Variants in PDHX observed in about 807,000 individuals in gnomAD.
The protein encoded by PDHX is pyruvate dehydrogenase protein X component, mitochondrial.
PDHX carries 33 observed loss-of-function variants against 55.3 expected under a neutral mutation model. That is an observed-to-expected ratio of 0.60 (90% CI 0.45 to 0.80). PDHX has a LOEUF of 0.80. Ranked by LOEUF, PDHX falls within the 30% of genes least tolerant of loss-of-function variation. The pLI is 0.00. For synonymous variants in PDHX, 226 were observed against 219.4 expected, an observed-to-expected ratio of 1.03 and a Z score of -0.27; for missense variants, 622 against 619.9, an observed-to-expected ratio of 1.00 and a Z score of -0.04.
chr11:34,979,235 A>G (rs566816911), intron 8 of PDHX, among the ~76,000 whole-genome samples: 25 of 152,112 alleles, frequency 1.6e-4, no homozygotes, highest in African/African-American at 5.8e-4. Flanking sequence ...GGGTTAAGGA[A>G]TCTAGAGTTT....
At chr11:34,951,403 T>C (rs1350096776) in intron 3 of PDHX, among the ~76,000 whole-genome samples, 6 of 152,156 alleles carry the variant, frequency 3.9e-5, no homozygotes, top group Non-Finnish European at 8.8e-5. Context: ...TGGTGTGAGA[T>C]GGTATCTCAT....
chr11:34,982,567 G>A (rs912798788), intron 8 of PDHX, among the ~76,000 whole-genome samples: 12 of 151,822 alleles, frequency 7.9e-5, no homozygotes, highest in Admixed American at 2.0e-4. Context: ...TCAAATAGAC[G>A]CAATAAAAAA....
chr11:34,975,325 T>C (rs1855344398), intron 7 of PDHX, among the ~76,000 whole-genome samples: 1 of 152,158 alleles, frequency 6.6e-6, no homozygotes, highest in Non-Finnish European at 1.5e-5. Context: ...TTATTTTTAA[T>C]GATATCTTCT....
At chr11:34,990,920 A>G (rs1014227083) in intron 9 of PDHX, among the ~76,000 whole-genome samples, 1 of 152,214 alleles carries the variant, frequency 6.6e-6, no homozygotes, top group African/African-American at 2.4e-5. Flanking sequence ...CCTATGTAAT[A>G]CAAAATATTA....
At chr11:34,924,079 A>G (rs150960335) in intron 1 of PDHX, among the ~76,000 whole-genome samples, 1 of 152,304 alleles carries the variant, frequency 6.6e-6, no homozygotes, top group East Asian at 1.9e-4. Flanking sequence ...ATTCTACAAT[A>G]TTGTGACATC....
At chr11:34,916,089 G>C, upstream of PDHX, 1 of 1,130,260 alleles carries the variant, frequency 8.8e-7, no homozygotes. Flanking sequence ...GCGGTGCGCC[G>C]GGGTAGCGAA....
intron 1 of PDHX, 108 bp downstream of exon 1, chr11:34,916,923 C>G (rs945410353): frequency 2.8e-6 from 3 of 1,073,324 alleles, no homozygotes; most frequent in Non-Finnish European, 4.1e-6. Flanking sequence ...TGCGCGGGCT[C>G]CTTATTCCCT....
chr11:34,916,194 T>G, upstream of PDHX: 1 of 1,600,694 alleles, frequency 6.2e-7, no homozygotes, highest in Non-Finnish European at 8.5e-7. Flanking sequence ...CCTCTCCTCC[T>G]GGGAATACCG....
intron 2 of PDHX, among the ~76,000 whole-genome samples, chr11:34,945,529 G>GT (rs1238540856): frequency 2.6e-5 from 4 of 152,090 alleles, no homozygotes; most frequent in Non-Finnish European, 4.4e-5. Flanking sequence ...TTTTTCCTCA[G>GT]TTTTTTGAAG....
intron 2 of PDHX, among the ~76,000 whole-genome samples, chr11:34,931,844 G>A (rs975057674): frequency 6.7e-6 from 1 of 149,648 alleles, no homozygotes; most frequent in African/African-American, 2.5e-5. Context: ...GTGTGTGTGT[G>A]TGTGTGTTCT....
chr11:34,956,187 A>T (rs1854902726), intron 3 of PDHX, among the ~76,000 whole-genome samples: 1 of 140,102 alleles, frequency 7.1e-6, no homozygotes, highest in South Asian at 2.3e-4. Flanking sequence ...ATTCCTATTC[A>T]GCTTTCTATA....
intron 4 of PDHX, 30 bp downstream of exon 4, chr11:34,957,613 TA>T (rs748682621): frequency 0.021 from 23,965 of 1,142,016 alleles, no homozygotes; most frequent in Non-Finnish European, 0.022. Flanking sequence ...AAGGATGATG[TA>T]AAAAAAAAAA....
At position 34,921,359 on chromosome 11, in the gene PDHX, G is replaced by A. The variant is rs1180206388; in HGVS notation, c.160+4544G>A. ...CTTGCCTTGCCTCAGTGGTGATTCA[G>A]GCCTTTATGCACGATGCGCTGTCAG... On this transcript the variant is annotated intron_variant, in intron 1 of 10. Transcript: ENST00000227868. Among the ~76,000 whole-genome samples, 4 of 152,052 alleles carry A rather than the reference G, an allele frequency of 2.6e-5. No individual in the cohort carries two copies. In the East Asian group the frequency reaches 7.7e-4, roughly 29 times the overall value.
At chr11:34,980,804 T>G (rs926720927) in intron 8 of PDHX, among the ~76,000 whole-genome samples, 2 of 151,792 alleles carry the variant, frequency 1.3e-5, no homozygotes, top group Non-Finnish European at 2.9e-5. Context: ...ATAGATAGAG[T>G]GGAATCAAAT....
At chr11:34,981,954 C>T (rs1855523530) in intron 8 of PDHX, among the ~76,000 whole-genome samples, 2 of 152,136 alleles carry the variant, frequency 1.3e-5, no homozygotes, top group African/African-American at 4.8e-5. Context: ...TGTAGGTTGC[C>T]TGTTCACTCT....
At chr11:34,970,450 A>G (rs906398284) in intron 7 of PDHX, among the ~76,000 whole-genome samples, 164 bp downstream of exon 7, 2 of 152,198 alleles carry the variant, frequency 1.3e-5, no homozygotes, top group Admixed American at 6.5e-5. Context: ...GAGGAAAAAA[A>G]TTAGCAATGG....
At chr11:34,980,383 T>C (rs1336436886) in intron 8 of PDHX, among the ~76,000 whole-genome samples, 1 of 100,832 alleles carries the variant, frequency 9.9e-6, no homozygotes, top group Non-Finnish European at 2.1e-5. Flanking sequence ...CAGCAAGATT[T>C]ATTGTGAAGA....
chr11:34,947,771 C>G (rs1854659561), intron 3 of PDHX, among the ~76,000 whole-genome samples, 165 bp downstream of exon 3: 1 of 152,086 alleles, frequency 6.6e-6, no homozygotes, highest in South Asian at 2.1e-4. Flanking sequence ...GAGTTAAGGT[C>G]TAATAGCCTA....
chr11:34,968,108 A>C (rs953303587), intron 6 of PDHX, among the ~76,000 whole-genome samples: 10 of 151,930 alleles, frequency 6.6e-5, no homozygotes, highest in African/African-American at 2.4e-4. Flanking sequence ...TCATCTCTAC[A>C]AAAAAATTTT....
Sources: gnomAD v4.1 joint callset for allele counts (sites outside exome capture counted in the v4.1 genomes callset) on GRCh38, gnomAD v4.1.1 for gene constraint, MANE v1.5 for transcripts, NCBI Gene and HGNC (gene_info 2026-07-23, HGNC 2026-07-21) for gene names.